The following PHACTR4 variants were observed in gnomAD, a reference collection of about 807,000 sequenced individuals.
PHACTR4 encodes phosphatase and actin regulator 4, also known as protein phosphatase 1, regulatory subunit 124.
Under a neutral mutation model 72.7 loss-of-function variants are expected in PHACTR4, and 51 were observed. The ratio of observed to expected loss-of-function variants is 0.70; its 90% CI spans 0.56 to 0.89. The LOEUF is 0.89. PHACTR4 is among the 40% of genes least tolerant of loss of function. The pLI is 0.00. For synonymous variants in PHACTR4, 255 were observed against 302.5 expected, an observed-to-expected ratio of 0.84 and a Z score of 1.63; for missense variants, 731 against 861.8, an observed-to-expected ratio of 0.85 and a Z score of 1.90.
chr1:28,460,324 C>T (rs748349910), intron 4 of PHACTR4, 32 bp downstream of exon 4: 1 of 1,436,378 alleles, frequency 7.0e-7, no homozygotes, highest in South Asian at 1.2e-5. Flanking sequence ...ATATGCCTGT[C>T]TCTGTGCACT....
intron 2 of PHACTR4, among the ~76,000 whole-genome samples, chr1:28,454,895 G>A (rs1658260575): frequency 6.6e-6 from 1 of 152,038 alleles, no homozygotes; most frequent in Admixed American, 6.6e-5. Flanking sequence ...TGAGGTGGAA[G>A]GACCACTTGA....
intron 9 of PHACTR4, among the ~76,000 whole-genome samples, chr1:28,488,030 A>C (rs1227163773): frequency 6.6e-6 from 1 of 151,628 alleles, no homozygotes; most frequent in Non-Finnish European, 1.5e-5. Flanking sequence ...GAGCCACCAC[A>C]CCTGGCCAAC....
chr1:28,448,420 A>G (rs1657635130), intron 2 of PHACTR4, among the ~76,000 whole-genome samples: 1 of 143,062 alleles, frequency 7.0e-6, no homozygotes, highest in African/African-American at 2.8e-5. Flanking sequence ...AGGAAAGGGG[A>G]AAGGAAAAAG....
At chr1:28,418,823 C>T (rs995172377) in intron 2 of PHACTR4, among the ~76,000 whole-genome samples, 18 of 151,112 alleles carry the variant, frequency 1.2e-4, no homozygotes, top group African/African-American at 4.4e-4. Flanking sequence ...TGATGGTGTG[C>T]GCCTGTAGTC....
At chr1:28,479,829 G>T (rs1374427980) in intron 8 of PHACTR4, among the ~76,000 whole-genome samples, 1 of 152,158 alleles carries the variant, frequency 6.6e-6, no homozygotes, top group Non-Finnish European at 1.5e-5. Flanking sequence ...GGAGGCGGAG[G>T]TTGCAATGAG....
At chr1:28,431,078 C>T (rs933842602) in intron 2 of PHACTR4, among the ~76,000 whole-genome samples, 3 of 150,478 alleles carry the variant, frequency 2.0e-5, no homozygotes, top group Non-Finnish European at 4.4e-5. Context: ...ACTCGGGATG[C>T]TGAGGCAGGA....
At chr1:28,460,944 C>CA (rs1658759013) in intron 4 of PHACTR4, among the ~76,000 whole-genome samples, 1 of 152,056 alleles carries the variant, frequency 6.6e-6, no homozygotes, top group African/African-American at 2.4e-5. Flanking sequence ...GCGCCCAGCT[C>CA]ATTTTCTTTT....
intron 2 of PHACTR4, among the ~76,000 whole-genome samples, chr1:28,416,411 G>A (rs1442675740): frequency 6.6e-6 from 1 of 152,106 alleles, no homozygotes; most frequent in Non-Finnish European, 1.5e-5. Context: ...TAATTTTTCT[G>A]CATAAGATAG....
At position 28,395,255 on chromosome 1, in the gene PHACTR4, A is replaced by G. The variant is rs1355722670; in HGVS notation, c.-38-12155A>G. On this transcript the variant is annotated intron_variant, in intron 1 of 13. Transcript: ENST00000373839. ...TGTTTTGTCTTTGAGGTTTCCTCAAAATGTGATACATAACGATGCCAGAAA... is the reference window on the plus strand; with the variant it reads ...TGTTTTGTCTTTGAGGTTTCCTCAAGATGTGATACATAACGATGCCAGAAA... Among the ~76,000 whole-genome samples the G allele has an allele frequency of 4.3e-4, 3 of 6,968 alleles. No homozygotes were observed. In the Non-Finnish European group the frequency reaches 0.014, roughly 34 times the overall value. The allele number at this position is 6,968 out of a possible 152,430, so 4.6% of individuals were successfully genotyped here.
rs1388655447 is a variant in PHACTR4 at position 28,484,463 on chromosome 1, A to AATATATGTGTGTATGTGTAT, written c.1760+3904_1760+3923dup. 1.6e-4 allele frequency among the ~76,000 whole-genome samples: 24 copies of AATATATGTGTGTATGTGTAT among 151,824 alleles called. 1 individual carries two copies. Among genetic ancestry groups the AATATATGTGTGTATGTGTAT allele is most frequent in the Middle Eastern group, 3.4e-3 (1 of 294 alleles). ...AAATATAGTTATATTTAATATATTT[A>AATATATGTGTGTATGTGTAT]ATATATGTGTGTATGTGTATATATA... On this transcript the variant is annotated intron_variant, in intron 9 of 13. Transcript: ENST00000373839.
At chr1:28,491,814 T>C in intron 12 of PHACTR4, 27 bp downstream of exon 12, 1 of 1,600,500 alleles carries the variant, frequency 6.2e-7, no homozygotes, top group South Asian at 1.1e-5. Flanking sequence ...CTCTTGCTTT[T>C]TTTCTCTTTC....
intron 2 of PHACTR4, among the ~76,000 whole-genome samples, chr1:28,440,359 C>A: frequency 7.8e-6 from 1 of 128,202 alleles, no homozygotes; most frequent in Non-Finnish European, 1.6e-5. Flanking sequence ...TATTTGTATG[C>A]TTCTGAAAAA....
intron 6 of PHACTR4, 67 bp downstream of exon 6, chr1:28,466,835 T>C (rs1179956908): frequency 7.2e-6 from 11 of 1,521,024 alleles, no homozygotes; most frequent in African/African-American, 5.5e-5. Flanking sequence ...TTTTATTTGA[T>C]AACTGGTACA....
At chr1:28,383,041 C>T (rs758645751) in intron 1 of PHACTR4, among the ~76,000 whole-genome samples, 17 of 152,286 alleles carry the variant, frequency 1.1e-4, no homozygotes, top group Admixed American at 9.2e-4. Context: ...GATCCACCCA[C>T]GTTGGCTTAC....
At chr1:28,450,974 CTTTTTTTT>C (rs1188704308) in intron 2 of PHACTR4, among the ~76,000 whole-genome samples, 1 of 72,076 alleles carries the variant, frequency 1.4e-5, no homozygotes, top group African/African-American at 6.8e-5. Flanking sequence ...CCACACCCAG[CTTTTTTTT>C]TTTTTTTTTT....
At chr1:28,449,167 C>A (rs1319197414) in intron 2 of PHACTR4, among the ~76,000 whole-genome samples, 3 of 151,900 alleles carry the variant, frequency 2.0e-5, no homozygotes, top group African/African-American at 7.3e-5. Context: ...ACAACAACAA[C>A]AACTGGCTGT....
intron 2 of PHACTR4, among the ~76,000 whole-genome samples, chr1:28,426,232 T>C (rs1223476795): frequency 7.0e-6 from 1 of 142,828 alleles, no homozygotes; most frequent in African/African-American, 2.7e-5. Flanking sequence ...AAAAAAAAAA[T>C]TGTGAATATA....
chr1:28,469,654 CA>C (rs1442141725), intron 6 of PHACTR4, among the ~76,000 whole-genome samples: 1 of 152,002 alleles, frequency 6.6e-6, no homozygotes, highest in Non-Finnish European at 1.5e-5. Context: ...AGAGAATCAG[CA>C]AAAATCCAAT....
intron 7 of PHACTR4, 96 bp downstream of exon 7, chr1:28,474,247 T>A: frequency 8.8e-7 from 1 of 1,140,892 alleles, no homozygotes; most frequent in Non-Finnish European, 1.2e-6. Context: ...GGGCCGGGCC[T>A]AGTGGCCCAC....
Sources: allele counts gnomAD v4.1 joint callset (sites outside exome capture counted in the v4.1 genomes callset), GRCh38; gene constraint gnomAD v4.1.1; transcripts MANE v1.5; gene names NCBI Gene and HGNC (gene_info 2026-07-23, HGNC 2026-07-21).